INTS9: variants seen among roughly 807,000 people sequenced by gnomAD.
INTS9 encodes protein related to CPSF subunits of 74 kDa.
In INTS9, 55 loss-of-function variants were observed where a neutral mutation model predicts 79.7. The observed-to-expected ratio is 0.69, with a 90% CI of 0.56 to 0.86. The LOEUF (loss-of-function observed/expected upper bound fraction) is 0.86, where lower values mean the gene tolerates loss of function less well. INTS9 is among the 40% of genes least tolerant of loss of function. The pLI is 0.00. For missense variants in INTS9, 721 were observed against 831.5 expected, an observed-to-expected ratio of 0.87 and a Z score of 1.64; for synonymous variants, 319 against 325.2, an observed-to-expected ratio of 0.98 and a Z score of 0.20.
chr8:28,847,796 CA>C (rs1445938340), intron 3 of INTS9, among the ~76,000 whole-genome samples: 1 of 152,120 alleles, frequency 6.6e-6, no homozygotes, highest in Non-Finnish European at 1.5e-5. Context: ...AGGAAGGTGA[CA>C]GATAATGGCA....
At position 28,837,743 on chromosome 8, in the gene INTS9, T is replaced by A. The variant is rs1806898486; in HGVS notation, c.295A>T (p.Ile99Phe). Residue 99 changes from isoleucine (I) to phenylalanine (F), a missense_variant, in exon 5 of 17, where the codon ATT (isoleucine) becomes TTT (phenylalanine). Ile to Phe is a conservative substitution (Grantham distance 21). Around this residue, in one of 3 missense-constraint regions of INTS9, gnomAD observed 291 missense variants for 307.0 expected, o/e 0.95. Coordinates refer to ENST00000521022, the MANE Select transcript of INTS9 (RefSeq NM_018250.4). Reference sequence around the variant, plus strand: ...ATACAGTGATAGTTAGAGATGAGAATCACATCTACTGTAGACAGATCTATT... The same window carrying A: ...ATACAGTGATAGTTAGAGATGAGAAACACATCTACTGTAGACAGATCTATT... ...ELIDLSTVDVILISNYHCMMA... is the reference protein window; with the variant it reads ...ELIDLSTVDVFLISNYHCMMA... 1 of 1,613,832 alleles carries A rather than the reference T, an allele frequency of 6.2e-7. No homozygotes were observed. Among genetic ancestry groups the A allele is most frequent in the Non-Finnish European group, 8.5e-7 (1 of 1,179,950 alleles).
chr8:28,867,446 C>T (rs950397233), intron 1 of INTS9, among the ~76,000 whole-genome samples: 20 of 149,410 alleles, frequency 1.3e-4, no homozygotes, highest in Non-Finnish European at 2.5e-4. Flanking sequence ...GGTGTGGTGG[C>T]GTGAGCCTTA....
intron 1 of INTS9, among the ~76,000 whole-genome samples, chr8:28,888,418 C>T (rs75391842): frequency 8.3e-5 from 12 of 144,054 alleles, no homozygotes; most frequent in African/African-American, 3.1e-4. Flanking sequence ...CAGTGGTGCG[C>T]GCCTGTATTC....
chr8:28,836,298 T>C (rs1054581377), intron 5 of INTS9, among the ~76,000 whole-genome samples: 4 of 152,096 alleles, frequency 2.6e-5, no homozygotes, highest in African/African-American at 4.8e-5. Context: ...TGCTGCGCTA[T>C]CAGTTAGATC....
chr8:28,888,087 AAGCTCTT>A (rs1047227400), intron 1 of INTS9, among the ~76,000 whole-genome samples: 5 of 152,190 alleles, frequency 3.3e-5, no homozygotes, highest in African/African-American at 1.2e-4. Context: ...ATAAGGTACC[AAGCTCTT>A]ATGCTCCTAT....
At chr8:28,787,643 G>C (rs1389365796) in intron 11 of INTS9, among the ~76,000 whole-genome samples, 186 bp downstream of exon 11, 1 of 152,216 alleles carries the variant, frequency 6.6e-6, no homozygotes, top group Admixed American at 6.5e-5. Context: ...GTGCGCAATA[G>C]AAAGTGTTAA....
chr8:28,851,465 T>C (rs780602405), intron 2 of INTS9, among the ~76,000 whole-genome samples: 3 of 151,812 alleles, frequency 2.0e-5, no homozygotes, highest in Admixed American at 6.6e-5. Context: ...TGAGACAGAG[T>C]CTCACTCTGT....
chr8:28,801,333 C>CA (rs1236548893), intron 8 of INTS9, among the ~76,000 whole-genome samples: 1 of 151,818 alleles, frequency 6.6e-6, no homozygotes, highest in Admixed American at 6.6e-5. Flanking sequence ...ACAAAAAATA[C>CA]AAAAAAATTA....
chr8:28,786,867 G>C (rs960621771), intron 11 of INTS9, among the ~76,000 whole-genome samples: 1 of 151,990 alleles, frequency 6.6e-6, no homozygotes, highest in Non-Finnish European at 1.5e-5. Context: ...ACAGGCACCC[G>C]CCACCACGCC....
At position 28,837,490 on chromosome 8, in the gene INTS9, T is replaced by G. The variant is rs149864580; in HGVS notation, c.401+147A>C. The G allele has an allele frequency of 2.9e-3, 2,175 of 752,802 alleles. 1 individual carries two copies. The highest frequency in any genetic ancestry group is 3.9e-3 in the Non-Finnish European group (1,868 of 479,278). The allele number at this position is 752,802 out of a possible 1,614,324, so 46.6% of individuals were successfully genotyped here. ...GCATTTCCAATGAACATTCCTCATCTAGAGAGTCGCTTACTCCTGCCTGTT... is the reference window on the plus strand; with the variant it reads ...GCATTTCCAATGAACATTCCTCATCGAGAGAGTCGCTTACTCCTGCCTGTT... On this transcript the variant is annotated intron_variant, in intron 5 of 16. Transcript: ENST00000521022.
chr8:28,788,873 T>C (rs952779500), intron 10 of INTS9, among the ~76,000 whole-genome samples: 1 of 152,252 alleles, frequency 6.6e-6, no homozygotes, highest in Non-Finnish European at 1.5e-5. Flanking sequence ...ATAAAGCAAA[T>C]GTGGCAAAAA....
intron 2 of INTS9, among the ~76,000 whole-genome samples, chr8:28,854,295 T>A (rs1325757328): frequency 6.6e-6 from 1 of 152,230 alleles, no homozygotes; most frequent in African/African-American, 2.4e-5. Context: ...ACTGTTGGAA[T>A]GATAGTAAAT....
chr8:28,787,439 T>C (rs1407563135), intron 11 of INTS9, among the ~76,000 whole-genome samples: 1 of 152,238 alleles, frequency 6.6e-6, no homozygotes, highest in African/African-American at 2.4e-5. Flanking sequence ...TGGTACAGGC[T>C]GAGCATCCCT....
At chr8:28,831,185 A>G (rs1806464403) in intron 6 of INTS9, among the ~76,000 whole-genome samples, 1 of 152,372 alleles carries the variant, frequency 6.6e-6, no homozygotes, top group South Asian at 2.1e-4. Flanking sequence ...TGAAGCCATT[A>G]TCCTCAGCAA....
chr8:28,835,257 A>G (rs1563284797), intron 6 of INTS9, 35 bp downstream of exon 6: 1 of 1,441,058 alleles, frequency 6.9e-7, no homozygotes, highest in African/African-American at 1.4e-5. Context: ...ACCTGGCTCT[A>G]CAGTCTCTCG....
At chr8:28,793,729 G>T in intron 10 of INTS9, 78 bp downstream of exon 10, 1 of 1,242,134 alleles carries the variant, frequency 8.1e-7, no homozygotes, top group South Asian at 1.8e-5. Flanking sequence ...AGAAAAAACA[G>T]GATTATTTTT....
chr8:28,883,338 C>T (rs1403411808), intron 1 of INTS9, among the ~76,000 whole-genome samples: 2 of 152,150 alleles, frequency 1.3e-5, no homozygotes, highest in Non-Finnish European at 2.9e-5. Context: ...GGTCCATCTT[C>T]CCACGTCTGC....
chr8:28,842,051 A>T (rs370220201), intron 4 of INTS9, among the ~76,000 whole-genome samples: 4 of 152,204 alleles, frequency 2.6e-5, no homozygotes, highest in Non-Finnish European at 5.9e-5. Flanking sequence ...TTATGCCATC[A>T]CACTTCACGC....
At chr8:28,832,449 C>A (rs765779556) in intron 6 of INTS9, among the ~76,000 whole-genome samples, 1 of 152,200 alleles carries the variant, frequency 6.6e-6, no homozygotes, top group African/African-American at 2.4e-5. Context: ...CACAGATAAG[C>A]CTACTTCCTC....
Sources: gnomAD v4.1 joint callset for allele counts (sites outside exome capture counted in the v4.1 genomes callset) on GRCh38, gnomAD v4.1.1 for gene constraint, gnomAD v4.1.1 regional missense constraint, MANE v1.5 for transcripts, NCBI Gene and HGNC (gene_info 2026-07-23, HGNC 2026-07-21) for gene names.